NMBR: variants seen among roughly 807,000 people sequenced by gnomAD.
NMBR encodes the protein neuromedin-B receptor.
A neutral mutation model predicts 20.5 loss-of-function variants in NMBR; 16 were observed. That is an observed-to-expected ratio of 0.78 (90% CI 0.53 to 1.19). The LOEUF (loss-of-function observed/expected upper bound fraction) is 1.19. NMBR is among the 50% of genes most tolerant of loss of function. The pLI is 0.00. For missense variants in NMBR, 582 were observed against 499.1 expected (o/e 1.17, Z -1.58); for synonymous variants, 212 against 196.6 (o/e 1.08, Z -0.65).
rs144395341 is a variant in NMBR, at chr6:142,108,843, G to T, written c.-663-19522C>A. Among the ~76,000 whole-genome samples, 316 of 152,212 alleles carry T rather than the reference G, an allele frequency of 2.1e-3. 4 individuals carry two copies. The highest frequency in any genetic ancestry group is 7.4e-3 in the African/African-American group (307 of 41,534). ...AGCTCATTCTAGCATTAACCAAAAA[G>T]TCTACATCCAAAGTCTCATCTGAGA... On this transcript the variant is annotated intron_variant, in intron 1 of 3. Coordinates refer to ENST00000258042, the MANE Select transcript of NMBR (RefSeq NM_002511.4).
At chr6:142,123,102 G>A (rs1374189186) in intron 1 of NMBR, among the ~76,000 whole-genome samples, 1 of 151,956 alleles carries the variant, frequency 6.6e-6, no homozygotes, top group Non-Finnish European at 1.5e-5. Context: ...CATTCTAGAT[G>A]CCATTAAGAA....
chr6:142,119,366 T>TA (rs1324841257), intron 1 of NMBR, among the ~76,000 whole-genome samples: 1 of 151,958 alleles, frequency 6.6e-6, no homozygotes, highest in Non-Finnish European at 1.5e-5. Context: ...TGGCTTATTA[T>TA]ACCAAGCCTA....
intron 1 of NMBR, among the ~76,000 whole-genome samples, chr6:142,136,799 T>C (rs1476086408): frequency 6.6e-6 from 1 of 152,166 alleles, no homozygotes; most frequent in Non-Finnish European, 1.5e-5. Context: ...AAAGATCAGA[T>C]AGTTGTAGAT....
At chr6:142,102,458 A>G (rs1011249322) in intron 1 of NMBR, among the ~76,000 whole-genome samples, 3 of 152,120 alleles carry the variant, frequency 2.0e-5, no homozygotes, top group African/African-American at 7.2e-5. Flanking sequence ...CTACAACTGA[A>G]TATCTATAAT....
intron 1 of NMBR, among the ~76,000 whole-genome samples, chr6:142,139,394 T>G (rs912953296): frequency 1.3e-5 from 2 of 152,210 alleles, no homozygotes; most frequent in Admixed American, 1.3e-4. Context: ...GTGTGAATCT[T>G]GAGTATTGTT....
At chr6:142,080,258 C>T (rs1387191248) in intron 2 of NMBR, among the ~76,000 whole-genome samples, 1 of 146,432 alleles carries the variant, frequency 6.8e-6, no homozygotes, top group Non-Finnish European at 1.5e-5. Flanking sequence ...CAAATTATTT[C>T]TTTTTTATAG....
At position 142,075,837 on chromosome 6, in the gene NMBR, A is replaced by G. The variant is rs568729056; in HGVS notation, c.984T>C (p.Ser328=). 2 of 1,614,050 alleles carry G rather than the reference A, an allele frequency of 1.2e-6. No individual in the cohort carries two copies. The highest frequency in any genetic ancestry group is 1.7e-6 in the Non-Finnish European group (2 of 1,179,960). The stretch of plus-strand genomic sequence containing the variant: ...TGTTGAAATGCCTCCTGAAGCTTTC[A>G]CTGAGTAGGTAAAGAGCAAATGGGT... ...CVNPFALYLL[S]ESFRRHFNSQ... is the part of the protein sequence containing the mutation. Residue 328 remains serine, a synonymous_variant, in exon 4 of 4, where the codon AGT becomes AGC. Transcript: ENST00000258042.
chr6:142,128,485 T>C (rs1778079568), intron 1 of NMBR, among the ~76,000 whole-genome samples: 1 of 152,102 alleles, frequency 6.6e-6, no homozygotes, highest in African/African-American at 2.4e-5. Context: ...TTCCATTGAT[T>C]ATGATGTTAG....
intron 1 of NMBR, among the ~76,000 whole-genome samples, chr6:142,110,165 C>T (rs1465245712): frequency 6.6e-6 from 1 of 152,186 alleles, no homozygotes; most frequent in East Asian, 1.9e-4. Flanking sequence ...ACAGTCTGGC[C>T]ATTCCTCATA....
At chr6:142,086,210 A>G (rs932684861) in intron 2 of NMBR, among the ~76,000 whole-genome samples, 1 of 152,192 alleles carries the variant, frequency 6.6e-6, no homozygotes, top group African/African-American at 2.4e-5. Flanking sequence ...GTGAGATCAT[A>G]AAAATGTTGC....
At chr6:142,078,976 A>G (rs1300973929) in intron 2 of NMBR, 73 bp from the exon 3 acceptor site, 2 of 1,085,844 alleles carry the variant, frequency 1.8e-6, no homozygotes, top group African/African-American at 1.6e-5. Flanking sequence ...GAAAGAAAGA[A>G]AAAGAAAGGA....
In NMBR at chr6:142,078,626, G is replaced by T; in HGVS notation, c.700C>A (p.His234Asn). 4 of 1,612,894 alleles carry T rather than the reference G, an allele frequency of 2.5e-6. No homozygotes were observed. The highest frequency in any genetic ancestry group is 1.7e-4 in the Middle Eastern group (1 of 6,060). The part of the protein sequence containing the change: ...PLAIISIYYY[H>N]IAKTLIKSAH... ...CTTTTAATTAAGGTCTTTGCAATAT[G>T]ATAATAATAAATGCTAATAATAGCA... Residue 234 changes from histidine (H) to asparagine (N), a missense_variant, in exon 3 of 4, where the codon CAT becomes AAT. By Grantham distance (68) the His-to-Asn change is moderately conservative. Coordinates refer to ENST00000258042, the MANE Select transcript of NMBR (RefSeq NM_002511.4).
chr6:142,140,472 T>C (rs1027797164), intron 1 of NMBR, among the ~76,000 whole-genome samples: 5 of 151,792 alleles, frequency 3.3e-5, no homozygotes, highest in Admixed American at 3.3e-4. Context: ...TCAATTAATA[T>C]AAAAGGTGGC....
In NMBR at chr6:142,113,284, C is replaced by T. The variant is rs901596720; in HGVS notation, c.-663-23963G>A. On this transcript the variant is annotated intron_variant, in intron 1 of 3. Transcript: ENST00000258042. ...CTAAAGTCATATTTATTTTTCAGTT[C>T]TGAAAATAGATTGAATCATACACAC... 4.0e-5 allele frequency among the ~76,000 whole-genome samples: 6 copies of T among 151,856 alleles called. 1 individual carries two copies. In the South Asian group the frequency reaches 1.0e-3, roughly 26 times the overall value.
Position 142,089,054 on chromosome 6 carries a change from C to T in NMBR, c.-396G>A, listed in dbSNP as rs1398518924. On this transcript the variant is annotated 5_prime_UTR_variant, in exon 2 of 4. Transcript: ENST00000258042. ...CTGCCGGACTCTTCGCCCAGAGAAG[C>T]AGAAGTCATCCTGGCGCTGTCCAGC... 1 of 167,286 alleles carries T rather than the reference C, an allele frequency of 6.0e-6. No individual in the cohort carries two copies. Among genetic ancestry groups the T allele is most frequent in the Non-Finnish European group, 1.3e-5 (1 of 75,994 alleles). 10.4% of individuals were successfully genotyped at this position (167,286 alleles called of 1,614,324 possible).
At chr6:142,109,451 T>C (rs1272803470) in intron 1 of NMBR, among the ~76,000 whole-genome samples, 2 of 148,576 alleles carry the variant, frequency 1.3e-5, no homozygotes, top group Non-Finnish European at 3.0e-5. Context: ...ATATATATAA[T>C]CAGTGTGTAA....
rs376325009 is a variant in NMBR at position 142,088,684 on chromosome 6, G to T, written c.-26C>A. ...GATCTCCTTTCCAGCAGAGTCCGCTGGAGTTTTCACGCGCTCCGGTGCCCT... is the reference window on the plus strand; with the variant it reads ...GATCTCCTTTCCAGCAGAGTCCGCTTGAGTTTTCACGCGCTCCGGTGCCCT... On this transcript the variant is annotated 5_prime_UTR_variant, in exon 2 of 4. Transcript: ENST00000258042. 6.7e-5 allele frequency: 106 copies of T among 1,580,342 alleles called. No homozygotes were observed. The highest frequency in any genetic ancestry group is 9.0e-5 in the Non-Finnish European group (105 of 1,167,952).
chr6:142,091,051 G>A (rs1359304569), intron 1 of NMBR, among the ~76,000 whole-genome samples: 1 of 152,032 alleles, frequency 6.6e-6, no homozygotes, highest in South Asian at 2.1e-4. Context: ...TCATTGTAGT[G>A]AAGAATATAA....
intron 1 of NMBR, among the ~76,000 whole-genome samples, chr6:142,113,731 C>T (rs1777808699): frequency 6.6e-6 from 1 of 151,942 alleles, no homozygotes; most frequent in South Asian, 2.1e-4. Flanking sequence ...TATCAAGCAG[C>T]CTTACCAAAT....
Sources: allele counts gnomAD v4.1 joint callset (sites outside exome capture counted in the v4.1 genomes callset), GRCh38; gene constraint gnomAD v4.1.1; transcripts MANE v1.5; gene names NCBI Gene and HGNC (gene_info 2026-07-23, HGNC 2026-07-21).